The following HACD4 variants were observed in gnomAD, a reference collection of about 807,000 sequenced individuals.
HACD4 encodes the protein 3-hydroxyacyl-CoA dehydratase 4.
In HACD4, 35 loss-of-function variants were observed where a neutral mutation model predicts 33.3. That is an observed-to-expected ratio of 1.05 (90% CI 0.80 to 1.39). The LOEUF (loss-of-function observed/expected upper bound fraction) is 1.39. HACD4 is among the 40% of genes most tolerant of loss of function. HACD4 has a pLI of 0.00. For missense variants in HACD4, 323 were observed against 276.5 expected (o/e 1.17, Z -1.19); for synonymous variants, 118 against 98.0 (o/e 1.20, Z -1.21).
At chr9:21,031,452 G>A (rs1012294583) in intron 1 of HACD4, 101 bp downstream of exon 1, 17 of 1,348,172 alleles carry the variant, frequency 1.3e-5, no homozygotes, top group African/African-American at 1.5e-5. Flanking sequence ...CCTTGCTGGC[G>A]GGCGGGGGGT....
chr9:21,025,346 A>G (rs974745518), intron 3 of HACD4, among the ~76,000 whole-genome samples: 2 of 152,152 alleles, frequency 1.3e-5, no homozygotes, highest in Non-Finnish European at 2.9e-5. Context: ...GATATTTTAG[A>G]CAAATTTTAA....
At chr9:21,021,911 C>T (rs928284035) in intron 3 of HACD4, among the ~76,000 whole-genome samples, 2 of 152,014 alleles carry the variant, frequency 1.3e-5, no homozygotes, top group African/African-American at 2.4e-5. Flanking sequence ...AAAAAGAGCC[C>T]GCATCACCAA....
At position 21,000,523 on chromosome 9, in the gene HACD4, G is replaced by A. The variant is rs1432307361; in HGVS notation, c.*6514C>T. The A allele has an allele frequency of 6.6e-6, 1 of 152,104 alleles. No homozygotes were observed. 9.4% of individuals were successfully genotyped at this position (152,104 alleles called of 1,614,324 possible). ...TTCTGATTCAACTATCTTTAGTGGA[G>A]CCCTGGAATCTGCATTCTAAACAGG... On this transcript the variant is annotated 3_prime_UTR_variant, in exon 7 of 7. Transcript: ENST00000495827.
intron 1 of HACD4, among the ~76,000 whole-genome samples, chr9:21,029,849 G>C (rs1818161575): frequency 6.6e-6 from 1 of 152,128 alleles, no homozygotes; most frequent in East Asian, 1.9e-4. Flanking sequence ...CCGACTGGGA[G>C]CTGCGGCCTG....
At position 21,002,027 on chromosome 9, in the gene HACD4, G is replaced by C. The variant is rs1842174133; in HGVS notation, c.*5010C>G. 6.6e-6 allele frequency: 1 copy of C among 152,094 alleles called. No homozygotes were observed. The highest frequency in any genetic ancestry group is 2.1e-4 in the South Asian group (1 of 4,830). The allele number at this position is 152,094 out of a possible 1,614,324, so 9.4% of individuals were successfully genotyped here. A position where few individuals can be genotyped will look rare whatever the true frequency, so the allele number is the denominator to read the frequency against. ...AACTCCACTTTTTGTTTTCTACATA[G>C]AGACTACTGCATTTTTAAAAATTGA... is the stretch of plus-strand genomic sequence containing the variant. On this transcript the variant is annotated 3_prime_UTR_variant, in exon 7 of 7. Coordinates refer to ENST00000495827, the MANE Select transcript of HACD4 (RefSeq NM_001010915.5).
At chr9:21,018,755 CAT>C (rs1197480221) in intron 3 of HACD4, among the ~76,000 whole-genome samples, 1 of 152,032 alleles carries the variant, frequency 6.6e-6, no homozygotes, top group Non-Finnish European at 1.5e-5. Context: ...TTACATTAAA[CAT>C]AGTGATAATG....
At chr9:21,031,276 A>T (rs530450985) in intron 1 of HACD4, 1 of 186,114 alleles carries the variant, frequency 5.4e-6, no homozygotes, top group African/African-American at 2.4e-5. Context: ...GGAGGGAAGT[A>T]CTGGCAGAGG....
intron 4 of HACD4, among the ~76,000 whole-genome samples, chr9:21,013,252 C>T (rs899567373): frequency 1.3e-5 from 2 of 151,924 alleles, no homozygotes; most frequent in East Asian, 1.9e-4. Context: ...GTGTGTATAT[C>T]CAGTTGTCCC....
chr9:21,022,583 G>T (rs1462826598), intron 3 of HACD4, among the ~76,000 whole-genome samples: 2 of 152,112 alleles, frequency 1.3e-5, no homozygotes, highest in African/African-American at 2.4e-5. Context: ...CTTCTCAAAA[G>T]AACACATTTA....
intron 5 of HACD4, among the ~76,000 whole-genome samples, chr9:21,010,516 A>G (rs1842392692): frequency 6.7e-6 from 1 of 149,376 alleles, no homozygotes; most frequent in African/African-American, 2.5e-5. Context: ...TCAAAGAATC[A>G]TACAAATGTG....
chr9:21,031,472 C>A (rs10964804), intron 1 of HACD4, 81 bp downstream of exon 1: 463,677 of 1,358,204 alleles, frequency 0.34, 82,964 homozygotes, highest in Middle Eastern at 0.39. Flanking sequence ...TGCCGCCCGC[C>A]CGCCCGCCGC....
intron 2 of HACD4, among the ~76,000 whole-genome samples, chr9:21,028,978 G>C (rs1292861286): frequency 6.6e-6 from 1 of 152,192 alleles, no homozygotes; most frequent in Non-Finnish European, 1.5e-5. Context: ...GTTATGCTGA[G>C]ATTTCCTCAA....
intron 1 of HACD4, among the ~76,000 whole-genome samples, chr9:21,029,944 G>A (rs1194563844): frequency 2.0e-5 from 3 of 151,950 alleles, no homozygotes; most frequent in Non-Finnish European, 4.4e-5. Context: ...TTTGAAGTAC[G>A]GTTTCTAATG....
Position 21,001,553 on chromosome 9 carries a change from A to G in HACD4, c.*5484T>C, listed in dbSNP as rs1842166037. On this transcript the variant is annotated 3_prime_UTR_variant, in exon 7 of 7. Coordinates refer to ENST00000495827, the MANE Select transcript of HACD4 (RefSeq NM_001010915.5). Reference sequence around the variant, plus strand: ...AGATAATGACCAACAAACTCCAAGTAGAATGAATTCCAAGAGATCCACACA... The same window carrying G: ...AGATAATGACCAACAAACTCCAAGTGGAATGAATTCCAAGAGATCCACACA... 1 of 151,730 alleles carries G rather than the reference A, an allele frequency of 6.6e-6. No homozygotes were observed. Among genetic ancestry groups the G allele is most frequent in the Non-Finnish European group, 1.5e-5 (1 of 67,846 alleles). 9.4% of individuals were successfully genotyped at this position (151,730 alleles called of 1,614,324 possible).
chr9:21,007,766 C>A lies in HACD4; in HGVS notation c.616+255G>T, dbSNP rs10964788. Among the ~76,000 whole-genome samples, 515 of 152,262 alleles carry A rather than the reference C, an allele frequency of 3.4e-3. 16 individuals carry two copies. The East Asian group carries it at 0.055, about 16-fold the overall frequency. On this transcript the variant is annotated intron_variant, in intron 6 of 6. Coordinates refer to ENST00000495827, the MANE Select transcript of HACD4 (RefSeq NM_001010915.5). ...GCACATGGTCAAAACTTCTATATCT[C>A]ATACATAATGCAGCTATATTTTCTG... is the stretch of plus-strand genomic sequence containing the variant.
intron 4 of HACD4, chr9:21,015,603 GGA>G: frequency 4.3e-6 from 1 of 232,776 alleles, no homozygotes. Context: ...GCAATTGTGA[GGA>G]ATGCCTTTGT....
chr9:21,012,998 C>T (rs551396326), intron 4 of HACD4, among the ~76,000 whole-genome samples: 18 of 144,450 alleles, frequency 1.2e-4, no homozygotes, highest in Non-Finnish European at 1.9e-4. Flanking sequence ...ATCCAGGAGG[C>T]GGAGGTTGTG....
At chr9:21,014,989 A>G (rs1587830145) in intron 4 of HACD4, 1 of 152,220 alleles carries the variant, frequency 6.6e-6, no homozygotes, top group East Asian at 1.9e-4. Flanking sequence ...TCTCATGAAC[A>G]GAAGTTATGG....
At chr9:21,029,188 A>G in intron 2 of HACD4, 107 bp downstream of exon 2, 1 of 647,240 alleles carries the variant, frequency 1.5e-6, no homozygotes, top group Non-Finnish European at 2.7e-6. Flanking sequence ...TACAAATTTT[A>G]GAGAAGGATA....
Sources: allele counts gnomAD v4.1 joint callset (sites outside exome capture counted in the v4.1 genomes callset), GRCh38; gene constraint gnomAD v4.1.1; transcripts MANE v1.5; gene names NCBI Gene and HGNC (gene_info 2026-07-23, HGNC 2026-07-21).